The following PCDHGA1 variants were observed in gnomAD, a reference collection of about 807,000 sequenced individuals.
PCDHGA1 encodes protocadherin gamma subfamily A, 1.
In PCDHGA1, 32 loss-of-function variants were observed where a neutral mutation model predicts 58.0. The ratio of observed to expected loss-of-function variants is 0.55; its 90% CI spans 0.42 to 0.74. The LOEUF is 0.74. Ranked by LOEUF, PCDHGA1 falls within the 30% of genes least tolerant of loss-of-function variation. The probability of loss-of-function intolerance (pLI) is 0.00; values close to 1 mark genes in which losing one functional copy is unlikely to be tolerated. For synonymous variants in PCDHGA1, 498 were observed against 501.1 expected (o/e 0.99, Z 0.08); for missense variants, 1,205 against 1,182.3 (o/e 1.02, Z -0.28).
chr5:141,393,787 G>A (rs1267376494), intron 1 of PCDHGA1: 3 of 1,613,930 alleles, frequency 1.9e-6, no homozygotes, highest in Non-Finnish European at 2.5e-6. Flanking sequence ...GAAGATGTGG[G>A]GGCACTTCTG....
At chr5:141,510,272 T>TAA (rs546154379) in intron 3 of PCDHGA1, among the ~76,000 whole-genome samples, 3,403 of 130,344 alleles carry the variant, frequency 0.026, 48 homozygotes, top group East Asian at 0.043. Context: ...GACTCCATCT[T>TAA]AAAAAAAAAA....
At chr5:141,419,405 G>T (rs1219399978) in intron 1 of PCDHGA1, 1 of 1,613,512 alleles carries the variant, frequency 6.2e-7, no homozygotes, top group South Asian at 1.1e-5. Context: ...GGTGGTGTTC[G>T]CGCAGCGCGC....
intron 1 of PCDHGA1, among the ~76,000 whole-genome samples, chr5:141,459,014 T>G (rs1429233660): frequency 6.6e-6 from 1 of 152,240 alleles, no homozygotes; most frequent in Non-Finnish European, 1.5e-5. Flanking sequence ...ATTACAGGCA[T>G]GAGCCACCAC....
At chr5:141,506,231 A>G (rs1453468632) in intron 3 of PCDHGA1, among the ~76,000 whole-genome samples, 4 of 152,082 alleles carry the variant, frequency 2.6e-5, no homozygotes, top group African/African-American at 4.8e-5. Context: ...CAGGAGGATC[A>G]TGAGGTCAGG....
Position 141,362,012 on chromosome 5 carries a change from T to A in PCDHGA1, c.2421+28907T>A, listed in dbSNP as rs1228364834. 3.7e-6 allele frequency: 6 copies of A among 1,605,660 alleles called. No homozygotes were observed. In the Admixed American group the frequency reaches 6.7e-5, roughly 18 times the overall value. On this transcript the variant is annotated intron_variant, in intron 1 of 3. Coordinates refer to ENST00000517417, the MANE Select transcript of PCDHGA1 (RefSeq NM_018912.3). ...AGCCTGGGGTTGCGCACGGGTGAGG[T>A]GCGCACAGCGCGTGCCTTGGGCGAC...
At chr5:141,417,384 GAAGA>G (rs2096114648) in intron 1 of PCDHGA1, 1 of 154,070 alleles carries the variant, frequency 6.5e-6, no homozygotes, top group African/African-American at 2.4e-5. Context: ...TTTAAATTTT[GAAGA>G]AAAAATATTC....
Position 141,491,897 on chromosome 5 carries a change from C to G in PCDHGA1, c.2422-2910C>G. The stretch of plus-strand genomic sequence containing the variant: ...GATTAAGGGATGGGGCTCCGAGCAC[C>G]GGGGGTGGTGGCGACTGTGGGCGAG... On this transcript the variant is annotated intron_variant, in intron 1 of 3. Transcript: ENST00000517417. This position sits in a 1 kb window ranked among gnomAD's most constrained non-coding sequence, Gnocchi z 6.9. 7 of 1,432,534 alleles carry G rather than the reference C, an allele frequency of 4.9e-6. No homozygotes were observed. The highest frequency in any genetic ancestry group is 6.5e-6 in the Non-Finnish European group (7 of 1,082,898). 88.7% of individuals were successfully genotyped at this position (1,432,534 alleles called of 1,614,324 possible).
intron 1 of PCDHGA1, chr5:141,362,061 G>A (rs1318131072): frequency 6.2e-7 from 1 of 1,612,208 alleles, no homozygotes; most frequent in South Asian, 1.1e-5. Flanking sequence ...GCCAGCGCCT[G>A]CTGGTCGCTG....
chr5:141,469,036 G>T (rs1396748159), intron 1 of PCDHGA1, among the ~76,000 whole-genome samples: 2 of 152,076 alleles, frequency 1.3e-5, no homozygotes, highest in Non-Finnish European at 2.9e-5. Flanking sequence ...CAGCACTTTG[G>T]GAGGCCAAGG....
At chr5:141,405,029 C>A (rs565871444) in intron 1 of PCDHGA1, 1 of 1,613,976 alleles carries the variant, frequency 6.2e-7, no homozygotes, top group South Asian at 1.1e-5. Context: ...TACCCTCTAC[C>A]TCGTTGTGGC....
chr5:141,471,046 CTTTTT>C (rs1170588345), intron 1 of PCDHGA1, among the ~76,000 whole-genome samples: 2 of 113,276 alleles, frequency 1.8e-5, no homozygotes, highest in Non-Finnish European at 3.6e-5. Context: ...CCCAAGCCCT[CTTTTT>C]TTTTTTTTTT....
Position 141,491,162 on chromosome 5 carries a change from C to T in PCDHGA1, c.2422-3645C>T. 6.2e-7 allele frequency: 1 copy of T among 1,614,112 alleles called. No homozygotes were observed. Among genetic ancestry groups the T allele is most frequent in the Non-Finnish European group, 8.5e-7 (1 of 1,179,952 alleles). On this transcript the variant is annotated intron_variant, in intron 1 of 3. Coordinates refer to ENST00000517417, the MANE Select transcript of PCDHGA1 (RefSeq NM_018912.3). This position sits in a 1 kb window ranked among gnomAD's most constrained non-coding sequence, Gnocchi z 6.9. ...GCCTTACTGGAGGATGACTCTGACA[C>T]CCAGCAGGTGGTGGTCCTGGTGAGG...
At position 141,490,357 on chromosome 5, in the gene PCDHGA1, A is replaced by G; in HGVS notation, c.2422-4450A>G. ...AGTGGGCACAGTAGTGGGGTTGTTT[A>G]ATGTGCGAGACCGGGACTCAGGTAG... On this transcript the variant is annotated intron_variant, in intron 1 of 3. Transcript: ENST00000517417. This position sits in a 1 kb window ranked among gnomAD's most constrained non-coding sequence, Gnocchi z 5.4. The G allele has an allele frequency of 6.2e-7, 1 of 1,614,178 alleles. No individual in the cohort carries two copies. The highest frequency in any genetic ancestry group is 8.5e-7 in the Non-Finnish European group (1 of 1,180,030).
intron 1 of PCDHGA1, chr5:141,422,174 A>G (rs763681065): frequency 5.1e-6 from 8 of 1,564,176 alleles, no homozygotes; most frequent in African/African-American, 2.8e-5. Flanking sequence ...TATAGATTCT[A>G]TGAGATGGAA....
Position 141,432,036 on chromosome 5 carries a change from AC to A in PCDHGA1, c.2422-62769del, listed in dbSNP as rs1419691535. The A allele has an allele frequency of 6.2e-7, 1 of 1,614,218 alleles. No individual in the cohort carries two copies. The highest frequency in any genetic ancestry group is 1.3e-5 in the African/African-American group (1 of 75,048). On this transcript the variant is annotated intron_variant, in intron 1 of 3. Coordinates refer to ENST00000517417, the MANE Select transcript of PCDHGA1 (RefSeq NM_018912.3). This position sits in a 1 kb window ranked among gnomAD's most constrained non-coding sequence, Gnocchi z 6.0. ...TACAACATCACAGTGACCGCCACTG[AC>A]CGGGGAACCCCGCCCCTATCCACGG...
intron 1 of PCDHGA1, chr5:141,399,869 G>A: frequency 1.2e-6 from 2 of 1,612,822 alleles, no homozygotes; most frequent in Non-Finnish European, 8.5e-7. Context: ...GCAGAGCCCG[G>A]CTACCTGGTG....
chr5:141,445,252 A>G (rs2098461096), intron 1 of PCDHGA1, among the ~76,000 whole-genome samples: 1 of 152,224 alleles, frequency 6.6e-6, no homozygotes, highest in Non-Finnish European at 1.5e-5. Context: ...ATATTGTGTG[A>G]GAATATAAGT....
At chr5:141,374,130 T>TCG (rs767453830) in intron 1 of PCDHGA1, 3 of 1,604,204 alleles carry the variant, frequency 1.9e-6, no homozygotes, top group Non-Finnish European at 2.6e-6. Flanking sequence ...CAGGTCCTGC[T>TCG]CCTCACGCTC....
intron 1 of PCDHGA1, chr5:141,361,599 C>T (rs765204837): frequency 6.2e-7 from 1 of 1,614,058 alleles, no homozygotes; most frequent in Non-Finnish European, 8.5e-7. Flanking sequence ...GCCAAGTTTC[C>T]TACTCCATCG....
Sources: allele counts gnomAD v4.1 joint callset (sites outside exome capture counted in the v4.1 genomes callset), GRCh38; gene constraint gnomAD v4.1.1; non-coding constraint Gnocchi (gnomAD v3.1); transcripts MANE v1.5; gene names NCBI Gene and HGNC (gene_info 2026-07-23, HGNC 2026-07-21).